Variants in MDGA2 observed in about 807,000 individuals in gnomAD.
MDGA2 encodes the protein MAM domain-containing glycosylphosphatidylinositol anchor protein 2.
Under a neutral mutation model 117.8 loss-of-function variants are expected in MDGA2, and 40 were observed. That is an observed-to-expected ratio of 0.34 (90% CI 0.26 to 0.44). The LOEUF (loss-of-function observed/expected upper bound fraction) is 0.44. Ranked by LOEUF, MDGA2 falls within the 20% of genes least tolerant of loss-of-function variation. The pLI is 1.00. For synonymous variants in MDGA2, 452 were observed against 439.0 expected, an observed-to-expected ratio of 1.03 and a Z score of -0.37; for missense variants, 1,123 against 1,250.6, an observed-to-expected ratio of 0.90 and a Z score of 1.54.
At chr14:47,071,778 AC>A (rs979359100) in intron 6 of MDGA2, among the ~76,000 whole-genome samples, 1 of 152,198 alleles carries the variant, frequency 6.6e-6, no homozygotes, top group African/African-American at 2.4e-5. Flanking sequence ...AACAAAAATT[AC>A]TATTCCTGTT....
intron 1 of MDGA2, among the ~76,000 whole-genome samples, chr14:47,508,838 C>T (rs1200229108): frequency 6.6e-6 from 1 of 151,432 alleles, no homozygotes; most frequent in Non-Finnish European, 1.5e-5. Flanking sequence ...CACCACTATG[C>T]CCGGCTAATT....
chr14:47,631,931 T>A (rs1897253856), intron 1 of MDGA2, among the ~76,000 whole-genome samples: 1 of 68,170 alleles, frequency 1.5e-5, no homozygotes. Flanking sequence ...TTTTTTTAAG[T>A]TTTTTTTTTT....
intron 1 of MDGA2, among the ~76,000 whole-genome samples, chr14:47,344,876 A>AGTGTGT (rs59134154): frequency 1.3e-5 from 2 of 150,808 alleles, no homozygotes; most frequent in Admixed American, 6.6e-5. Context: ...TGTGTATGAG[A>AGTGTGT]GTGTGTGTGT....
chr14:46,917,157 G>T (rs1282473250), intron 10 of MDGA2, among the ~76,000 whole-genome samples: 1 of 151,874 alleles, frequency 6.6e-6, no homozygotes, highest in African/African-American at 2.4e-5. Context: ...GAAGACAATA[G>T]GTTTGAAATG....
chr14:47,537,418 C>A (rs963156722), intron 1 of MDGA2, among the ~76,000 whole-genome samples: 2 of 151,052 alleles, frequency 1.3e-5, no homozygotes, highest in African/African-American at 2.4e-5. Flanking sequence ...AACAAACCTG[C>A]ACGTTGTGCA....
At chr14:47,001,665 TAATTTTTTTTCTTAA>T (rs1172934780) in intron 8 of MDGA2, among the ~76,000 whole-genome samples, 1 of 152,110 alleles carries the variant, frequency 6.6e-6, no homozygotes, top group Admixed American at 6.6e-5. Context: ...ACACAAAATG[TAATTTTTTTTCTTAA>T]AATAAAGAAT....
intron 1 of MDGA2, among the ~76,000 whole-genome samples, chr14:47,385,658 C>T (rs1239155378): frequency 6.6e-6 from 1 of 152,052 alleles, no homozygotes; most frequent in Non-Finnish European, 1.5e-5. Context: ...TTCCTTCCTC[C>T]CCAGCCATTA....
intron 14 of MDGA2, among the ~76,000 whole-genome samples, chr14:46,864,613 A>G (rs1431785798): frequency 6.8e-6 from 1 of 146,612 alleles, no homozygotes; most frequent in Admixed American, 6.8e-5. Flanking sequence ...CAAAAAAAAA[A>G]AAAAAAAAAG....
intron 1 of MDGA2, among the ~76,000 whole-genome samples, chr14:47,604,896 G>A (rs1896714051): frequency 6.6e-6 from 1 of 152,066 alleles, no homozygotes; most frequent in Non-Finnish European, 1.5e-5. Flanking sequence ...AGCCATCCCA[G>A]CTGACCTACC....
chr14:46,906,854 A>T (rs895965188), intron 10 of MDGA2, among the ~76,000 whole-genome samples: 1 of 152,080 alleles, frequency 6.6e-6, no homozygotes, highest in Non-Finnish European at 1.5e-5. Context: ...CCCGGACAAA[A>T]TGTGCCATTA....
intron 3 of MDGA2, among the ~76,000 whole-genome samples, chr14:47,184,008 A>T (rs190934495): frequency 3.9e-4 from 59 of 152,038 alleles, no homozygotes; most frequent in African/African-American, 1.2e-3. Context: ...ATACTGACTT[A>T]AATCCTCTTC....
chr14:47,140,380 T>G (rs1010463410), intron 4 of MDGA2, among the ~76,000 whole-genome samples: 1 of 152,080 alleles, frequency 6.6e-6, no homozygotes, highest in African/African-American at 2.4e-5. Flanking sequence ...GCCAAAGCAA[T>G]TTTGAGCAAA....
intron 5 of MDGA2, among the ~76,000 whole-genome samples, chr14:47,125,978 T>C (rs940108376): frequency 5.3e-5 from 8 of 152,196 alleles, no homozygotes; most frequent in African/African-American, 1.9e-4. Context: ...ATAATTTCTA[T>C]GTGTCCTAGT....
chr14:47,481,444 G>T (rs956489348), intron 1 of MDGA2, among the ~76,000 whole-genome samples: 1 of 151,926 alleles, frequency 6.6e-6, no homozygotes, highest in Non-Finnish European at 1.5e-5. Flanking sequence ...TATTAATAGC[G>T]AAGAGGAATG....
intron 2 of MDGA2, among the ~76,000 whole-genome samples, chr14:47,245,010 C>A (rs1431607364): frequency 6.7e-6 from 1 of 150,092 alleles, no homozygotes; most frequent in Non-Finnish European, 1.5e-5. Flanking sequence ...ACATGACTCT[C>A]TTTTCATTTC....
intron 2 of MDGA2, among the ~76,000 whole-genome samples, chr14:47,260,237 A>G (rs1326414307): frequency 6.6e-6 from 1 of 152,122 alleles, no homozygotes; most frequent in African/African-American, 2.4e-5. Flanking sequence ...ATGAATTAAT[A>G]TGTGAATGAG....
In MDGA2 at chr14:47,537,212, A is replaced by C. The variant is rs142139979; in HGVS notation, c.280+137305T>G. On this transcript the variant is annotated intron_variant, in intron 1 of 16. Coordinates refer to ENST00000399232, the MANE Select transcript of MDGA2 (RefSeq NM_001113498.3). The stretch of plus-strand genomic sequence containing the variant: ...CAGCAAACTATCGCAAGGACAAAAA[A>C]ACCAAACACCGCATGTTCTCACTCA... Among the ~76,000 whole-genome samples the C allele has an allele frequency of 1.1e-4, 17 of 150,448 alleles. No homozygotes were observed. The East Asian group carries it at 3.4e-3, about 30-fold the overall frequency.
chr14:47,247,694 C>A (rs1035834967), intron 2 of MDGA2, among the ~76,000 whole-genome samples: 1 of 150,354 alleles, frequency 6.7e-6, no homozygotes, highest in African/African-American at 2.4e-5. Context: ...GCAGAATGTG[C>A]AGGTTTGTTA....
At chr14:47,142,854 G>A (rs778044118) in intron 4 of MDGA2, among the ~76,000 whole-genome samples, 1 of 152,108 alleles carries the variant, frequency 6.6e-6, no homozygotes, top group Non-Finnish European at 1.5e-5. Flanking sequence ...ATACATGTGC[G>A]ATGCTGATTT....
Sources: gnomAD v4.1 joint callset for allele counts (sites outside exome capture counted in the v4.1 genomes callset) on GRCh38, gnomAD v4.1.1 for gene constraint, MANE v1.5 for transcripts, NCBI Gene and HGNC (gene_info 2026-07-23, HGNC 2026-07-21) for gene names.